The following ADGRV1 variants were observed in gnomAD, a reference collection of about 807,000 sequenced individuals.
The protein encoded by ADGRV1 is G-protein coupled receptor 98.
In ADGRV1, 359 loss-of-function variants were observed where a neutral mutation model predicts 596.2. That is an observed-to-expected ratio of 0.60 (90% CI 0.55 to 0.66). ADGRV1 has a LOEUF of 0.66. Among genes scored for constraint, ADGRV1 ranks in the 30% least tolerant of loss-of-function variants. ADGRV1 has a pLI of 0.00. For missense variants in ADGRV1, 7,274 were observed against 7,575.6 expected (o/e 0.96, Z 1.48); for synonymous variants, 2,681 against 2,679.2 (o/e 1.00, Z -0.02).
intron 84 of ADGRV1, among the ~76,000 whole-genome samples, chr5:90,968,576 G>A (rs1778678250): frequency 6.6e-6 from 1 of 152,166 alleles, no homozygotes; most frequent in Admixed American, 6.5e-5. Context: ...CATGGTTTGT[G>A]ATTTGACCAC....
At chr5:90,785,948 A>G (rs1156707881) in intron 67 of ADGRV1, among the ~76,000 whole-genome samples, 2 of 152,358 alleles carry the variant, frequency 1.3e-5, no homozygotes, top group East Asian at 1.9e-4. Flanking sequence ...AGACACATGC[A>G]CACGTATTTT....
In ADGRV1 at chr5:91,026,479, A is replaced by G. The variant is rs563501280; in HGVS notation, c.18152+40957A>G. ...CCAACACAGTCCTGAAAAGTGAACA[A>G]TTTCAAGATTAAACCTCTATTCTTG... On this transcript the variant is annotated intron_variant, in intron 85 of 89. Transcript: ENST00000405460. 2.0e-5 allele frequency among the ~76,000 whole-genome samples: 3 copies of G among 152,316 alleles called. No homozygotes were observed. In the South Asian group the frequency reaches 6.2e-4, roughly 32 times the overall value.
intron 65 of ADGRV1, among the ~76,000 whole-genome samples, chr5:90,782,680 C>G (rs1284499629): frequency 1.3e-5 from 2 of 152,086 alleles, no homozygotes; most frequent in Non-Finnish European, 2.9e-5. Flanking sequence ...TTTAAAAATT[C>G]ATATGATATA....
At chr5:90,611,710 G>A (rs1208968012) in intron 1 of ADGRV1, among the ~76,000 whole-genome samples, 1 of 151,806 alleles carries the variant, frequency 6.6e-6, no homozygotes, top group Non-Finnish European at 1.5e-5. Context: ...AAAAAATTTT[G>A]TTAAATCTAG....
intron 1 of ADGRV1, among the ~76,000 whole-genome samples, chr5:90,579,234 T>C (rs992189387): frequency 1.3e-5 from 2 of 152,222 alleles, no homozygotes; most frequent in East Asian, 3.8e-4. Flanking sequence ...CTTTCTCTTG[T>C]GGGCATTTAG....
At chr5:91,137,817 G>C (rs1335892536) in intron 87 of ADGRV1, among the ~76,000 whole-genome samples, 4 of 152,172 alleles carry the variant, frequency 2.6e-5, no homozygotes. Flanking sequence ...CCTGCATGGA[G>C]CCTACAGTGC....
intron 83 of ADGRV1, among the ~76,000 whole-genome samples, chr5:90,892,582 TA>T (rs1271181052): frequency 6.6e-6 from 1 of 152,128 alleles, no homozygotes; most frequent in African/African-American, 2.4e-5. Context: ...TATATATACA[TA>T]CCATTAAAAA....
chr5:90,690,957 A>T lies in ADGRV1; in HGVS notation c.6867A>T (p.Ser2289=). Residue 2289 remains serine, a synonymous_variant, in exon 31 of 90, where the codon TCA becomes TCT. Coordinates refer to ENST00000405460, the MANE Select transcript of ADGRV1 (RefSeq NM_032119.4). ...CTACTGGCGACCTGCGAGTTGTCTC[A>T]GGTAATGTGACCTTTGCCCCTGGGG... ...QLATGDLRVV[S]GNVTFAPGET... 6.2e-7 allele frequency: 1 copy of T among 1,613,876 alleles called. No individual in the cohort carries two copies. Among genetic ancestry groups the T allele is most frequent in the Non-Finnish European group, 8.5e-7 (1 of 1,179,806 alleles).
chr5:91,049,607 C>T (rs1275193037), intron 85 of ADGRV1, among the ~76,000 whole-genome samples: 1 of 152,156 alleles, frequency 6.6e-6, no homozygotes, highest in Non-Finnish European at 1.5e-5. Context: ...AATATTATCA[C>T]TCAATGTAAT....
chr5:90,681,527 T>A, intron 27 of ADGRV1, 73 bp downstream of exon 27: 1 of 1,404,244 alleles, frequency 7.1e-7, no homozygotes, highest in African/African-American at 1.4e-5. Context: ...TATGAAAGTG[T>A]GTTTTATGCT....
intron 50 of ADGRV1, among the ~76,000 whole-genome samples, chr5:90,739,433 TG>T (rs1753675496): frequency 6.6e-6 from 1 of 152,186 alleles, no homozygotes; most frequent in Non-Finnish European, 1.5e-5. Context: ...TAGTGTTCTG[TG>T]GTGGTGATAG....
intron 82 of ADGRV1, among the ~76,000 whole-genome samples, chr5:90,862,689 C>T (rs1422147035): frequency 6.6e-6 from 1 of 152,172 alleles, no homozygotes; most frequent in African/African-American, 2.4e-5. Context: ...GATTTCTTGG[C>T]CAAATTTCTA....
intron 11 of ADGRV1, among the ~76,000 whole-genome samples, 176 bp downstream of exon 11, chr5:90,638,124 T>C (rs1477279692): frequency 6.6e-6 from 1 of 152,080 alleles, no homozygotes; most frequent in Non-Finnish European, 1.5e-5. Flanking sequence ...GATTAGACTA[T>C]GAGTATAATT....
At chr5:90,883,010 T>C (rs1160135531) in intron 83 of ADGRV1, among the ~76,000 whole-genome samples, 1 of 152,116 alleles carries the variant, frequency 6.6e-6, no homozygotes, top group South Asian at 2.1e-4. Context: ...AATATTTTCA[T>C]CAAAATTGCA....
At chr5:90,580,110 C>G (rs1757801094) in intron 1 of ADGRV1, among the ~76,000 whole-genome samples, 1 of 152,156 alleles carries the variant, frequency 6.6e-6, no homozygotes, top group Admixed American at 6.5e-5. Flanking sequence ...AACCCATTTA[C>G]ATTTAAGGTT....
At chr5:90,599,249 T>G (rs1055932841) in intron 1 of ADGRV1, among the ~76,000 whole-genome samples, 5 of 152,210 alleles carry the variant, frequency 3.3e-5, no homozygotes, top group African/African-American at 1.2e-4. Flanking sequence ...AAATCAAACC[T>G]AATGAATACC....
intron 85 of ADGRV1, among the ~76,000 whole-genome samples, chr5:91,002,199 GT>G (rs1271931602): frequency 2.6e-5 from 4 of 152,108 alleles, no homozygotes; most frequent in Non-Finnish European, 4.4e-5. Context: ...CACAGACGCG[GT>G]GTGTTCTGCT....
intron 84 of ADGRV1, among the ~76,000 whole-genome samples, chr5:90,973,037 A>C (rs571498383): frequency 3.3e-4 from 50 of 152,348 alleles, no homozygotes; most frequent in African/African-American, 1.2e-3. Context: ...CCGATCCCAC[A>C]GAAATACAGA....
chr5:90,625,024 G>C, intron 5 of ADGRV1, 106 bp from the exon 6 acceptor site: 2 of 673,588 alleles, frequency 3.0e-6, no homozygotes. Flanking sequence ...AATTCTTGCA[G>C]AACATCTTTA....
Sources: allele counts gnomAD v4.1 joint callset (sites outside exome capture counted in the v4.1 genomes callset), GRCh38; gene constraint gnomAD v4.1.1; transcripts MANE v1.5; gene names NCBI Gene and HGNC (gene_info 2026-07-23, HGNC 2026-07-21).